CDH12: variants seen among roughly 807,000 people sequenced by gnomAD.
CDH12 encodes the protein cadherin-12.
In CDH12, 41 loss-of-function variants were observed where a neutral mutation model predicts 74.1. The ratio of observed to expected loss-of-function variants is 0.55; its 90% confidence interval spans 0.43 to 0.72. CDH12 has a LOEUF of 0.72. Among genes scored for constraint, CDH12 ranks in the 30% least tolerant of loss-of-function variants. The probability of loss-of-function intolerance (pLI) is 0.00; values close to 1 mark genes in which losing one functional copy is unlikely to be tolerated. For missense variants in CDH12, 945 were observed against 977.2 expected (o/e 0.97, Z 0.44); for synonymous variants, 399 against 355.0 (o/e 1.12, Z -1.39).
chr5:21,857,316 C>A (rs1285388118), intron 6 of CDH12, among the ~76,000 whole-genome samples: 1 of 151,760 alleles, frequency 6.6e-6, no homozygotes, highest in African/African-American at 2.4e-5. Context: ...ATTCTCTTAT[C>A]ATTTGAATCC....
intron 4 of CDH12, among the ~76,000 whole-genome samples, chr5:22,196,889 G>A (rs147167084): frequency 0.067 from 10,234 of 152,154 alleles, 460 homozygotes; most frequent in South Asian, 0.15. Context: ...GGGATTCAGA[G>A]TGGGTCAGTC....
intron 3 of CDH12, among the ~76,000 whole-genome samples, chr5:22,373,936 A>G (rs1044673697): frequency 1.3e-5 from 2 of 152,196 alleles, no homozygotes; most frequent in Admixed American, 1.3e-4. Context: ...CCAATAACAG[A>G]TTCAAACAAA....
rs189952680 is a variant in CDH12, at chr5:22,342,761, C to T, written c.-333+62496G>A. 9.0e-3 allele frequency among the ~76,000 whole-genome samples: 1,292 copies of T among 144,212 alleles called. 14 individuals carry two copies. The highest frequency in any genetic ancestry group is 0.031 in the Middle Eastern group (9 of 288). The allele number at this position is 144,212 out of a possible 152,430, so 94.6% of individuals were successfully genotyped here. Reference sequence around the variant, plus strand: ...CCTTATTTCCTTCCCTCCCTCCCTTCCTCCCTTCCTCACTTCCTTCCTTCC... The same window carrying T: ...CCTTATTTCCTTCCCTCCCTCCCTTTCTCCCTTCCTCACTTCCTTCCTTCC... On this transcript the variant is annotated intron_variant, in intron 3 of 14. Transcript: ENST00000382254.
intron 6 of CDH12, among the ~76,000 whole-genome samples, chr5:21,859,580 A>G (rs1245536456): frequency 1.3e-5 from 2 of 151,908 alleles, no homozygotes; most frequent in Non-Finnish European, 2.9e-5. Context: ...GGAACCACTC[A>G]CCATCACCCC....
At chr5:22,462,341 C>T (rs894655515) in intron 2 of CDH12, among the ~76,000 whole-genome samples, 11 of 152,050 alleles carry the variant, frequency 7.2e-5, no homozygotes, top group Non-Finnish European at 1.3e-4. Context: ...ATAATCAGAG[C>T]CTATTGAATG....
chr5:21,981,604 C>T (rs116041200), intron 5 of CDH12, among the ~76,000 whole-genome samples: 2,404 of 152,194 alleles, frequency 0.016, 60 homozygotes, highest in South Asian at 0.06. Context: ...CATCTCCTTC[C>T]GTTTCTTCTC....
chr5:21,867,948 G>A (rs1455107475), intron 6 of CDH12, among the ~76,000 whole-genome samples: 2 of 152,194 alleles, frequency 1.3e-5, no homozygotes, highest in African/African-American at 4.8e-5. Context: ...GAACCAGTGG[G>A]TGGTCATTGA....
chr5:22,415,692 GCAAT>G (rs1219981602), intron 2 of CDH12, among the ~76,000 whole-genome samples: 1 of 152,116 alleles, frequency 6.6e-6, no homozygotes, highest in East Asian at 1.9e-4. Context: ...GAGTCTGAGA[GCAAT>G]CAAAGTACCA....
At chr5:22,322,165 CAATGGAAAGT>C (rs33933320) in intron 3 of CDH12, among the ~76,000 whole-genome samples, 8,162 of 152,066 alleles carry the variant, frequency 0.054, 511 homozygotes, top group African/African-American at 0.15. Context: ...CCATAGCAGA[CAATGGAAAGT>C]ATAAAGGCCA....
chr5:22,023,188 CA>C (rs991271466), intron 5 of CDH12, among the ~76,000 whole-genome samples: 28 of 152,222 alleles, frequency 1.8e-4, no homozygotes, highest in Middle Eastern at 3.4e-3. Flanking sequence ...CACATTCTCT[CA>C]AAATCAAGCT....
At chr5:22,392,746 G>A (rs1006248405) in intron 3 of CDH12, among the ~76,000 whole-genome samples, 10 of 152,148 alleles carry the variant, frequency 6.6e-5, no homozygotes, top group African/African-American at 2.2e-4. Flanking sequence ...CAGAGTTAAC[G>A]TTGGCTGTTG....
intron 1 of CDH12, among the ~76,000 whole-genome samples, chr5:22,610,210 A>G (rs1022832490): frequency 5.5e-4 from 84 of 152,348 alleles, no homozygotes; most frequent in African/African-American, 1.9e-3. Context: ...CTTGAAAAGT[A>G]TGCAAAAAGC....
intron 3 of CDH12, among the ~76,000 whole-genome samples, chr5:22,298,133 A>T (rs1021160058): frequency 1.6e-4 from 24 of 149,926 alleles, no homozygotes; most frequent in Admixed American, 1.4e-3. Flanking sequence ...ATATGATACA[A>T]TTTAATATAT....
At chr5:22,507,219 A>G (rs984623642) in intron 1 of CDH12, among the ~76,000 whole-genome samples, 2 of 152,170 alleles carry the variant, frequency 1.3e-5, no homozygotes, top group African/African-American at 4.8e-5. Flanking sequence ...TTGAGGAGAT[A>G]TATACTGCTT....
chr5:22,294,181 A>AT (rs1277979021), intron 3 of CDH12, among the ~76,000 whole-genome samples: 2 of 152,190 alleles, frequency 1.3e-5, no homozygotes, highest in African/African-American at 4.8e-5. Context: ...AGAAAAGAAT[A>AT]TAAAAATAGA....
chr5:22,268,192 T>C (rs1372859375), intron 3 of CDH12, among the ~76,000 whole-genome samples: 1 of 152,068 alleles, frequency 6.6e-6, no homozygotes, highest in East Asian at 1.9e-4. Flanking sequence ...ATGTATTACT[T>C]TGAATACAAG....
At chr5:22,531,220 A>G (rs1737569426) in intron 1 of CDH12, among the ~76,000 whole-genome samples, 1 of 152,180 alleles carries the variant, frequency 6.6e-6, no homozygotes, top group South Asian at 2.1e-4. Flanking sequence ...AATATAACTT[A>G]TACAAAAATT....
chr5:22,216,442 C>A (rs60604774), intron 3 of CDH12, among the ~76,000 whole-genome samples: 3,855 of 152,006 alleles, frequency 0.025, 68 homozygotes, highest in African/African-American at 0.052. Flanking sequence ...AATGTAGATT[C>A]AGCTATTACC....
intron 4 of CDH12, among the ~76,000 whole-genome samples, chr5:22,153,897 T>TACAC (rs1197164567): frequency 1.8e-5 from 1 of 56,718 alleles, no homozygotes; most frequent in Non-Finnish European, 4.0e-5. Flanking sequence ...TAAATATATA[T>TACAC]ATATATACAC....
Sources: gnomAD v4.1 joint callset for allele counts (sites outside exome capture counted in the v4.1 genomes callset) on GRCh38, gnomAD v4.1.1 for gene constraint, MANE v1.5 for transcripts, NCBI Gene and HGNC (gene_info 2026-07-23, HGNC 2026-07-21) for gene names.